The following SRGAP3 variants were observed in gnomAD, a reference collection of about 807,000 sequenced individuals.
The protein encoded by SRGAP3 is SLIT-ROBO Rho GTPase activating protein 3.
A neutral mutation model predicts 121.1 loss-of-function variants in SRGAP3; 39 were observed. The observed-to-expected ratio is 0.32, with a 90% CI of 0.25 to 0.42. The LOEUF is 0.42. SRGAP3 is among the 10% of genes least tolerant of loss of function. The pLI is 1.00. For missense variants in SRGAP3, 1,213 were observed against 1,470.6 expected (o/e 0.82, Z 2.86); for synonymous variants, 601 against 570.0 (o/e 1.05, Z -0.77).
intron 4 of SRGAP3, among the ~76,000 whole-genome samples, chr3:9,067,187 G>C (rs1051021209): frequency 6.6e-6 from 1 of 152,082 alleles, no homozygotes; most frequent in African/African-American, 2.4e-5. Flanking sequence ...TGGGCTCAGG[G>C]TTTAAGAACC....
intron 1 of SRGAP3, among the ~76,000 whole-genome samples, chr3:9,236,442 AGGTGGGGGCT>A (rs5846627): frequency 0.38 from 57,792 of 151,624 alleles, 11,819 homozygotes; most frequent in Admixed American, 0.47. Flanking sequence ...CCAGTGTTGG[AGGTGGGGGCT>A]GGTGGGAGGT....
intron 3 of SRGAP3, among the ~76,000 whole-genome samples, chr3:9,309,756 G>C (rs1475177348): frequency 6.6e-6 from 1 of 152,174 alleles, no homozygotes; most frequent in African/African-American, 2.4e-5. Flanking sequence ...CTACTCAGAA[G>C]GCTGTGGTGG....
chr3:9,062,857 T>C (rs1946240114), intron 5 of SRGAP3, among the ~76,000 whole-genome samples: 2 of 152,328 alleles, frequency 1.3e-5, no homozygotes, highest in East Asian at 1.9e-4. Context: ...AATGGACATA[T>C]GTTTTTATTT....
chr3:9,152,983 G>C (rs75305719), intron 1 of SRGAP3, among the ~76,000 whole-genome samples: 2,855 of 152,260 alleles, frequency 0.019, 86 homozygotes, highest in African/African-American at 0.065. Context: ...TGCTGCCTTT[G>C]CCTGGCTTCC....
At chr3:9,190,399 C>T (rs1951713875) in intron 1 of SRGAP3, among the ~76,000 whole-genome samples, 1 of 152,262 alleles carries the variant, frequency 6.6e-6, no homozygotes, top group Admixed American at 6.5e-5. Context: ...TTGGCATGAA[C>T]AGATAGGTTT....
chr3:9,322,854 A>C (rs1422572379), intron 3 of SRGAP3, among the ~76,000 whole-genome samples: 1 of 151,924 alleles, frequency 6.6e-6, no homozygotes, highest in Non-Finnish European at 1.5e-5. Flanking sequence ...AAGAAAGTGA[A>C]AATTTAAGTT....
chr3:9,189,850 G>A (rs988997156), intron 1 of SRGAP3, among the ~76,000 whole-genome samples: 1 of 152,154 alleles, frequency 6.6e-6, no homozygotes, highest in Non-Finnish European at 1.5e-5. Flanking sequence ...AAAGAACCCA[G>A]CTCTCCCTGA....
chr3:9,049,225 C>T (rs1945436827), intron 9 of SRGAP3: 3 of 359,214 alleles, frequency 8.4e-6, no homozygotes, highest in Non-Finnish European at 1.7e-5. Context: ...CTGACACATA[C>T]ACAAATAAGA....
chr3:9,066,559 G>T (rs866551112), intron 4 of SRGAP3, among the ~76,000 whole-genome samples: 1 of 152,250 alleles, frequency 6.6e-6, no homozygotes, highest in South Asian at 2.1e-4. Flanking sequence ...GAGTGCAGTA[G>T]CATGATCTTG....
In SRGAP3 at chr3:8,985,768, G is replaced by T; in HGVS notation, c.3051C>A (p.Val1017=). ...SEPASPLHTI[V]IRDPDAAMRR... Reference sequence around the variant, plus strand: ...GCATGGCGGCATCGGGGTCGCGGATGACGATGGTGTGAAGGGGACTGGCGG... The same window carrying T: ...GCATGGCGGCATCGGGGTCGCGGATTACGATGGTGTGAAGGGGACTGGCGG... The change falls in exon 22 of 22, where the codon GTC becomes GTA. Residue 1017 remains valine, a synonymous_variant. Coordinates refer to ENST00000383836, the MANE Select transcript of SRGAP3 (RefSeq NM_014850.4). The surrounding 1 kb of genome is among the most constrained non-coding windows in gnomAD (Gnocchi z 5.1). 2 of 1,600,038 alleles carry T rather than the reference G, an allele frequency of 1.2e-6. No homozygotes were observed. The highest frequency in any genetic ancestry group is 4.5e-5 in the East Asian group (2 of 44,840).
At chr3:9,141,416 C>T (rs1478779228) in intron 1 of SRGAP3, among the ~76,000 whole-genome samples, 1 of 151,954 alleles carries the variant, frequency 6.6e-6, no homozygotes, top group Non-Finnish European at 1.5e-5. Context: ...TGGAAAGCCA[C>T]TACATCAGGC....
intron 21 of SRGAP3, among the ~76,000 whole-genome samples, chr3:8,986,315 G>A (rs1941704927): frequency 6.6e-6 from 1 of 152,170 alleles, no homozygotes; most frequent in Non-Finnish European, 1.5e-5. Context: ...GGACCTCAGG[G>A]AGTTGATGAG....
intron 1 of SRGAP3, among the ~76,000 whole-genome samples, chr3:9,207,711 G>A (rs916407659): frequency 3.0e-4 from 45 of 152,208 alleles, no homozygotes; most frequent in African/African-American, 1.1e-3. Flanking sequence ...AGGTTGTGGT[G>A]AGGTAGCCGG....
intron 2 of SRGAP3, among the ~76,000 whole-genome samples, chr3:9,106,892 C>A (rs1273624691): frequency 1.3e-5 from 2 of 151,952 alleles, no homozygotes; most frequent in Non-Finnish European, 2.9e-5. Flanking sequence ...AGCAGAAGGA[C>A]CCCTGAACTG....
chr3:9,242,590 G>A (rs1056303206), intron 1 of SRGAP3, among the ~76,000 whole-genome samples: 1 of 152,110 alleles, frequency 6.6e-6, no homozygotes, highest in East Asian at 1.9e-4. Flanking sequence ...AGCCAAGATC[G>A]TGCCACTGCA....
intron 3 of SRGAP3, among the ~76,000 whole-genome samples, chr3:9,272,809 T>A (rs1954504265): frequency 6.6e-6 from 1 of 152,010 alleles, no homozygotes; most frequent in South Asian, 2.1e-4. Flanking sequence ...TCTGTTTATT[T>A]TTTTTTTAGG....
At chr3:9,016,804 T>C (rs935669756) in intron 14 of SRGAP3, among the ~76,000 whole-genome samples, 1 of 152,200 alleles carries the variant, frequency 6.6e-6, no homozygotes, top group Non-Finnish European at 1.5e-5. Context: ...CTTCTCTGTG[T>C]ATCAGCAGGC....
chr3:9,276,667 C>T (rs1291303482), intron 3 of SRGAP3, among the ~76,000 whole-genome samples: 1 of 152,084 alleles, frequency 6.6e-6, no homozygotes, highest in East Asian at 1.9e-4. Flanking sequence ...CTTTGTGATC[C>T]GCCCACCTTG....
At chr3:9,289,542 C>T (rs994580080) in intron 3 of SRGAP3, among the ~76,000 whole-genome samples, 1 of 152,194 alleles carries the variant, frequency 6.6e-6, no homozygotes, top group Non-Finnish European at 1.5e-5. Flanking sequence ...TATAGATCCT[C>T]GTAACAGTTT....
Sources: allele counts gnomAD v4.1 joint callset (sites outside exome capture counted in the v4.1 genomes callset), GRCh38; gene constraint gnomAD v4.1.1; non-coding constraint Gnocchi (gnomAD v3.1); transcripts MANE v1.5; gene names NCBI Gene and HGNC (gene_info 2026-07-23, HGNC 2026-07-21).